The following PTPRQ variants were observed in gnomAD, a reference collection of about 807,000 sequenced individuals.
PTPRQ encodes protein tyrosine phosphatase receptor type Q.
PTPRQ carries 199 observed loss-of-function variants against 246.0 expected under a neutral mutation model. That is an observed-to-expected ratio of 0.81 (90% confidence interval 0.72 to 0.91). The LOEUF (loss-of-function observed/expected upper bound fraction) is 0.91. PTPRQ is among the 40% of genes least tolerant of loss of function. PTPRQ has a pLI of 0.00. For synonymous variants in PTPRQ, 869 were observed against 853.2 expected, an observed-to-expected ratio of 1.02 and a Z score of -0.32; for missense variants, 2,624 against 2,528.4, an observed-to-expected ratio of 1.04 and a Z score of -0.81.
At chr12:80,619,329 T>C (rs1239689024) in intron 30 of PTPRQ, 55 bp from the exon 31 acceptor site, 1 of 1,502,818 alleles carries the variant, frequency 6.7e-7, no homozygotes, top group Non-Finnish European at 8.9e-7. Flanking sequence ...AGATTTTTTC[T>C]TTTGTTGATG....
At chr12:80,586,103 A>G (rs1409969782) in intron 25 of PTPRQ, among the ~76,000 whole-genome samples, 1 of 151,750 alleles carries the variant, frequency 6.6e-6, no homozygotes, top group South Asian at 2.1e-4. Flanking sequence ...CATGGTGTAT[A>G]TGTGCCACAT....
At chr12:80,517,118 G>A (rs545376717) in intron 17 of PTPRQ, among the ~76,000 whole-genome samples, 9 of 152,254 alleles carry the variant, frequency 5.9e-5, no homozygotes, top group Admixed American at 1.3e-4. Context: ...CCAAGGTCAA[G>A]CCCATGGCCA....
intron 6 of PTPRQ, among the ~76,000 whole-genome samples, chr12:80,466,417 A>C (rs1893415718): frequency 6.6e-6 from 1 of 152,216 alleles, no homozygotes; most frequent in Non-Finnish European, 1.5e-5. Flanking sequence ...ATATCATGAA[A>C]ATGGCCACAC....
intron 7 of PTPRQ, among the ~76,000 whole-genome samples, chr12:80,469,103 G>C (rs1287304472): frequency 6.6e-6 from 1 of 152,196 alleles, no homozygotes; most frequent in African/African-American, 2.4e-5. Flanking sequence ...AGAAAAAAGT[G>C]TTAGTGGAGA....
intron 17 of PTPRQ, chr12:80,525,923 G>T (rs780508565): frequency 6.6e-6 from 1 of 151,978 alleles, no homozygotes; most frequent in Non-Finnish European, 1.5e-5. Flanking sequence ...ATCTTCCTGC[G>T]AGTTGGTGAG....
intron 25 of PTPRQ, among the ~76,000 whole-genome samples, chr12:80,558,633 A>G (rs1896733641): frequency 1.3e-5 from 2 of 152,280 alleles, no homozygotes; most frequent in Non-Finnish European, 2.9e-5. Flanking sequence ...TCCTATGTCT[A>G]GGATATGCAC....
intron 39 of PTPRQ, among the ~76,000 whole-genome samples, chr12:80,665,631 C>T (rs990886444): frequency 6.6e-6 from 1 of 151,784 alleles, no homozygotes. Context: ...ATCATATGCA[C>T]ACAAAGGAAA....
chr12:80,445,045 G>A (rs952918030), intron 2 of PTPRQ, among the ~76,000 whole-genome samples, 196 bp downstream of exon 2: 1 of 151,872 alleles, frequency 6.6e-6, no homozygotes, highest in Non-Finnish European at 1.5e-5. Flanking sequence ...TACTTTCAAA[G>A]TGCAAAGATA....
At chr12:80,561,622 G>A (rs764088468) in intron 25 of PTPRQ, 8 of 152,086 alleles carry the variant, frequency 5.3e-5, no homozygotes, top group Non-Finnish European at 1.2e-4. Flanking sequence ...ACAGCCACTG[G>A]CTTCTCGGTG....
chr12:80,493,176 G>A lies in PTPRQ; in HGVS notation c.1360-99G>A, dbSNP rs185025648. 22 of 1,266,262 alleles carry A rather than the reference G, an allele frequency of 1.7e-5. No homozygotes were observed. The African/African-American group carries it at 2.8e-4, about 16-fold the overall frequency. 78.4% of individuals were successfully genotyped at this position (1,266,262 alleles called of 1,614,324 possible). Reference sequence around the variant, plus strand: ...TGGAAATATGTTATCTTTTATAACAGCATGATTCCAAAGTTATAGGTTTTT... The same window carrying A: ...TGGAAATATGTTATCTTTTATAACAACATGATTCCAAAGTTATAGGTTTTT... On this transcript the variant is annotated intron_variant, in intron 9 of 44. Coordinates refer to ENST00000644991, the MANE Select transcript of PTPRQ (RefSeq NM_001145026.2).
intron 25 of PTPRQ, among the ~76,000 whole-genome samples, chr12:80,554,558 A>G (rs1247114112): frequency 6.6e-6 from 1 of 152,196 alleles, no homozygotes; most frequent in Non-Finnish European, 1.5e-5. Context: ...TAATTTAGGG[A>G]AAGTAAAATG....
chr12:80,577,273 C>T (rs191324333), intron 25 of PTPRQ, among the ~76,000 whole-genome samples: 1 of 152,272 alleles, frequency 6.6e-6, no homozygotes, highest in East Asian at 1.9e-4. Flanking sequence ...GGGGAGGCCT[C>T]AGGAAACTTA....
rs550923675 is a variant in PTPRQ, at chr12:80,620,010, A to C, written c.5390-144A>C. The C allele has an allele frequency of 6.7e-6, 7 of 1,048,810 alleles. No individual in the cohort carries two copies. In the Admixed American group the frequency reaches 1.2e-4, roughly 18 times the overall value. The allele number at this position is 1,048,810 out of a possible 1,614,324, so 65.0% of individuals were successfully genotyped here. A position where few individuals can be genotyped will look rare whatever the true frequency, so the allele number is the denominator to read the frequency against. ...CAGAGAAGAACAGGGTTACCTGCCTATACAGGTGGATCACTTGAATTATCT... is the reference window on the plus strand; with the variant it reads ...CAGAGAAGAACAGGGTTACCTGCCTCTACAGGTGGATCACTTGAATTATCT... On this transcript the variant is annotated intron_variant, in intron 31 of 44. Transcript: ENST00000644991.
At chr12:80,465,891 C>T (rs1338045052) in intron 6 of PTPRQ, among the ~76,000 whole-genome samples, 1 of 152,120 alleles carries the variant, frequency 6.6e-6, no homozygotes, top group Non-Finnish European at 1.5e-5. Flanking sequence ...AAACCCACAG[C>T]CAATATCATA....
chr12:80,668,287 A>T (rs1439745790), intron 39 of PTPRQ, among the ~76,000 whole-genome samples: 1 of 151,888 alleles, frequency 6.6e-6, no homozygotes, highest in African/African-American at 2.4e-5. Context: ...ATTTCAGAGA[A>T]ATTTGATAAA....
intron 25 of PTPRQ, among the ~76,000 whole-genome samples, chr12:80,552,645 T>TGTA (rs1486986901): frequency 1.3e-4 from 10 of 76,502 alleles, no homozygotes; most frequent in East Asian, 1.2e-3. Flanking sequence ...AAAAAAAAAA[T>TGTA]TATATATATA....
intron 26 of PTPRQ, among the ~76,000 whole-genome samples, chr12:80,597,381 G>C (rs1318223869): frequency 6.6e-6 from 1 of 151,950 alleles, no homozygotes; most frequent in Non-Finnish European, 1.5e-5. Context: ...ATGCTCTAAT[G>C]GAACACGCTG....
intron 7 of PTPRQ, among the ~76,000 whole-genome samples, chr12:80,471,360 C>T (rs10083168): frequency 0.091 from 13,805 of 150,978 alleles, 1,229 homozygotes; most frequent in African/African-American, 0.22. Context: ...ACATTTAAAG[C>T]AAAGTCGAAG....
At chr12:80,503,991 G>A (rs1894879294) in intron 14 of PTPRQ, among the ~76,000 whole-genome samples, 1 of 150,806 alleles carries the variant, frequency 6.6e-6, no homozygotes, top group South Asian at 2.1e-4. Flanking sequence ...TTGATATTCT[G>A]TATTTTCACA....
Sources: gnomAD v4.1 joint callset for allele counts (sites outside exome capture counted in the v4.1 genomes callset) on GRCh38, gnomAD v4.1.1 for gene constraint, MANE v1.5 for transcripts, NCBI Gene and HGNC (gene_info 2026-07-23, HGNC 2026-07-21) for gene names.